The following TIAM1 variants were observed in gnomAD, a reference collection of about 807,000 sequenced individuals.
TIAM1 encodes the protein TIAM Rac1 associated GEF 1.
Under a neutral mutation model 163.5 loss-of-function variants are expected in TIAM1, and 65 were observed. That is an observed-to-expected ratio of 0.40 (90% CI 0.33 to 0.49). The LOEUF (loss-of-function observed/expected upper bound fraction) is 0.49, where lower values mean the gene tolerates loss of function less well. Ranked by LOEUF, TIAM1 falls within the 20% of genes least tolerant of loss-of-function variation. The pLI is 0.77. For missense variants in TIAM1, 1,789 were observed against 2,044.7 expected, an observed-to-expected ratio of 0.87 and a Z score of 2.41; for synonymous variants, 833 against 810.1, an observed-to-expected ratio of 1.03 and a Z score of -0.48.
rs905030544 is a variant in TIAM1 at position 31,120,080 on chromosome 21, C to T, written c.*288G>A. ...GATTTGCTTTCCAGTGCTATAGAAT[C>T]TTTTTTCTTTTAATTGTTCAGGCCC... is the stretch of plus-strand genomic sequence containing the variant. On this transcript the variant is annotated 3_prime_UTR_variant, in exon 28 of 28. Transcript: ENST00000541036. This position sits in a 1 kb window ranked among gnomAD's most constrained non-coding sequence, Gnocchi z 4.2. 2 of 318,840 alleles carry T rather than the reference C, an allele frequency of 6.3e-6. No individual in the cohort carries two copies. The allele number at this position is 318,840 out of a possible 1,614,324, so 19.8% of individuals were successfully genotyped here.
At chr21:31,497,406 A>T (rs866602069) in intron 1 of TIAM1, among the ~76,000 whole-genome samples, 3 of 152,204 alleles carry the variant, frequency 2.0e-5, no homozygotes, top group Non-Finnish European at 2.9e-5. Context: ...TATGCAAAAT[A>T]AAAAAATGCA....
chr21:31,263,925 C>A (rs1601751112), intron 4 of TIAM1, among the ~76,000 whole-genome samples: 1 of 152,074 alleles, frequency 6.6e-6, no homozygotes, highest in South Asian at 2.1e-4. Flanking sequence ...ATGATCTGTC[C>A]AATTGACAGT....
At chr21:31,246,736 A>G (rs1168232379) in intron 5 of TIAM1, among the ~76,000 whole-genome samples, 5 of 152,218 alleles carry the variant, frequency 3.3e-5, no homozygotes, top group African/African-American at 9.6e-5. Flanking sequence ...TTCCTAGCCT[A>G]TAATATTTCA....
chr21:31,135,314 G>T (rs934890628), intron 23 of TIAM1, among the ~76,000 whole-genome samples: 3 of 152,082 alleles, frequency 2.0e-5, no homozygotes, highest in Non-Finnish European at 4.4e-5. Context: ...AATCACATGA[G>T]ATCTCTAATT....
At chr21:31,538,821 C>T (rs899331184) in intron 1 of TIAM1, among the ~76,000 whole-genome samples, 2 of 152,270 alleles carry the variant, frequency 1.3e-5, no homozygotes, top group East Asian at 3.9e-4. Context: ...ATGCATTTCT[C>T]GCTGAAACAA....
intron 4 of TIAM1, among the ~76,000 whole-genome samples, chr21:31,263,713 C>A (rs995591465): frequency 6.6e-6 from 1 of 152,080 alleles, no homozygotes; most frequent in Non-Finnish European, 1.5e-5. Flanking sequence ...AGCATATGCA[C>A]TAACTGAGCA....
At chr21:31,490,848 C>T (rs1197336471) in intron 1 of TIAM1, among the ~76,000 whole-genome samples, 1 of 152,182 alleles carries the variant, frequency 6.6e-6, no homozygotes, top group East Asian at 1.9e-4. Flanking sequence ...AAGGATTGGC[C>T]GAGCGTGGTG....
At chr21:31,172,077 G>T (rs1168249739) in intron 15 of TIAM1, among the ~76,000 whole-genome samples, 1 of 152,158 alleles carries the variant, frequency 6.6e-6, no homozygotes, top group African/African-American at 2.4e-5. Flanking sequence ...GGTCTATTAC[G>T]TGGTAGTAGA....
chr21:31,237,262 C>T (rs1258979102), intron 6 of TIAM1, among the ~76,000 whole-genome samples: 1 of 152,186 alleles, frequency 6.6e-6, no homozygotes, highest in Non-Finnish European at 1.5e-5. Flanking sequence ...CCACTTGACA[C>T]CTCCTTATGA....
At chr21:31,414,673 G>A (rs1346239810) in intron 2 of TIAM1, among the ~76,000 whole-genome samples, 1 of 152,214 alleles carries the variant, frequency 6.6e-6, no homozygotes, top group Non-Finnish European at 1.5e-5. Context: ...AGCCTCTGAA[G>A]GACAGGTGTC....
chr21:31,464,858 A>T (rs1213986451), intron 1 of TIAM1, among the ~76,000 whole-genome samples: 1 of 149,164 alleles, frequency 6.7e-6, no homozygotes, highest in Admixed American at 6.7e-5. Flanking sequence ...AAAAAAAAAA[A>T]AAAAAGCCAG....
At chr21:31,451,759 G>A (rs1232470668) in intron 2 of TIAM1, among the ~76,000 whole-genome samples, 1 of 130,240 alleles carries the variant, frequency 7.7e-6, no homozygotes, top group Non-Finnish European at 1.8e-5. Context: ...GTGTGTGTGT[G>A]TGAGACACAG....
chr21:31,229,331 T>A (rs1158496215), intron 6 of TIAM1, among the ~76,000 whole-genome samples: 1 of 152,184 alleles, frequency 6.6e-6, no homozygotes, highest in Non-Finnish European at 1.5e-5. Flanking sequence ...TTTCTGTGTA[T>A]ACGTTAAACT....
intron 4 of TIAM1, among the ~76,000 whole-genome samples, chr21:31,253,924 G>A (rs550663619): frequency 6.6e-6 from 1 of 152,230 alleles, no homozygotes; most frequent in African/African-American, 2.4e-5. Flanking sequence ...CTTGATACAA[G>A]ACAAAAGAAA....
At chr21:31,424,209 ACTAGAGCTTAAATG>A (rs1832242216) in intron 2 of TIAM1, among the ~76,000 whole-genome samples, 1 of 152,214 alleles carries the variant, frequency 6.6e-6, no homozygotes, top group African/African-American at 2.4e-5. Context: ...GTATCCTGTA[ACTAGAGCTTAAATG>A]CTTGTGAACA....
At chr21:31,426,344 T>C (rs1477030705) in intron 2 of TIAM1, among the ~76,000 whole-genome samples, 1 of 152,194 alleles carries the variant, frequency 6.6e-6, no homozygotes, top group Non-Finnish European at 1.5e-5. Flanking sequence ...GGGATCATTC[T>C]ATTTTCAGTA....
chr21:31,361,063 C>CA (rs577480233), intron 2 of TIAM1, among the ~76,000 whole-genome samples: 79 of 151,946 alleles, frequency 5.2e-4, no homozygotes, highest in Middle Eastern at 3.4e-3. Flanking sequence ...AAGGTATCTC[C>CA]AAAAAAAGTC....
chr21:31,540,624 T>C (rs541630349), intron 1 of TIAM1, among the ~76,000 whole-genome samples: 1 of 152,314 alleles, frequency 6.6e-6, no homozygotes, highest in East Asian at 1.9e-4. Flanking sequence ...AAACTTCTGG[T>C]TCATAAAATC....
chr21:31,404,404 T>C (rs1031647401), intron 2 of TIAM1, among the ~76,000 whole-genome samples: 3 of 152,070 alleles, frequency 2.0e-5, no homozygotes, highest in Admixed American at 2.0e-4. Flanking sequence ...CATGTGTCTA[T>C]ACAACATTTA....
Sources: allele counts gnomAD v4.1 joint callset (sites outside exome capture counted in the v4.1 genomes callset), GRCh38; gene constraint gnomAD v4.1.1; non-coding constraint Gnocchi (gnomAD v3.1); transcripts MANE v1.5; gene names NCBI Gene and HGNC (gene_info 2026-07-23, HGNC 2026-07-21).